INPP5B: variants seen among roughly 807,000 people sequenced by gnomAD.
INPP5B encodes the protein type II inositol 1,4,5-trisphosphate 5-phosphatase.
A neutral mutation model predicts 118.5 loss-of-function variants in INPP5B; 90 were observed. The ratio of observed to expected loss-of-function variants is 0.76; its 90% CI spans 0.64 to 0.90. The LOEUF is 0.90. Ranked by LOEUF, INPP5B falls within the 40% of genes least tolerant of loss-of-function variation. The probability of loss-of-function intolerance (pLI) is 0.00; values close to 1 mark genes in which losing one functional copy is unlikely to be tolerated. For synonymous variants in INPP5B, 385 were observed against 418.9 expected (o/e 0.92, Z 0.99); for missense variants, 984 against 1,125.6 (o/e 0.87, Z 1.80).
chr1:37,922,260 A>G (rs1164596894), intron 7 of INPP5B, among the ~76,000 whole-genome samples: 2 of 151,772 alleles, frequency 1.3e-5, no homozygotes, highest in Non-Finnish European at 2.9e-5. Flanking sequence ...ATGGTGGCAC[A>G]TGTCTGTAGT....
chr1:37,880,759 T>A (rs1353320937), intron 14 of INPP5B, among the ~76,000 whole-genome samples: 1 of 152,166 alleles, frequency 6.6e-6, no homozygotes, highest in East Asian at 1.9e-4. Context: ...TCAGTCTCAC[T>A]CTGTCACCCA....
chr1:37,897,603 C>T (rs1557667107), intron 7 of INPP5B, among the ~76,000 whole-genome samples: 1 of 150,682 alleles, frequency 6.6e-6, no homozygotes, highest in South Asian at 2.1e-4. Flanking sequence ...CTGCGGAAGG[C>T]CGAAGGGTCC....
At chr1:37,883,882 T>C in intron 13 of INPP5B, 1 of 976,590 alleles carries the variant, frequency 1.0e-6, no homozygotes. Context: ...ATAAAAGAAG[T>C]GGCGTATGTT....
At chr1:37,935,409 G>T (rs1645648595) in intron 6 of INPP5B, among the ~76,000 whole-genome samples, 1 of 151,088 alleles carries the variant, frequency 6.6e-6, no homozygotes, top group Non-Finnish European at 1.5e-5. Flanking sequence ...GGTCAGGCTG[G>T]TCTTGAACTC....
rs779926757 is a variant in INPP5B at position 37,862,395 on chromosome 1, C to T, written c.2662G>A (p.Ala888Thr). Reference protein sequence around the residue: ...IFGSLLLRNPAGHQKLDMTEK... With the variant: ...IFGSLLLRNPTGHQKLDMTEK... ...GTCATATCAAGCTTTTGGTGACCAGCTGGGTTTCGAAGCAATAAGCTGCCA... is the reference window on the plus strand; with the variant it reads ...GTCATATCAAGCTTTTGGTGACCAGTTGGGTTTCGAAGCAATAAGCTGCCA... Residue 888 changes from alanine to threonine, a missense_variant, in exon 24 of 24, where the codon GCT becomes ACT. Coordinates refer to ENST00000373024, the MANE Select transcript of INPP5B (RefSeq NM_005540.3). The T allele has an allele frequency of 2.9e-5, 46 of 1,613,780 alleles. No homozygotes were observed. The highest frequency in any genetic ancestry group is 3.7e-5 in the Non-Finnish European group (44 of 1,179,828).
At chr1:37,888,880 C>A (rs1389490934) in intron 9 of INPP5B, among the ~76,000 whole-genome samples, 1 of 152,204 alleles carries the variant, frequency 6.6e-6, no homozygotes, top group Non-Finnish European at 1.5e-5. Context: ...CAGCTAACTT[C>A]ATTTTAGTAA....
intron 7 of INPP5B, among the ~76,000 whole-genome samples, chr1:37,920,739 T>C (rs968337091): frequency 6.6e-6 from 1 of 151,620 alleles, no homozygotes; most frequent in Non-Finnish European, 1.5e-5. Context: ...TATTTTCGAC[T>C]CCGCCAATGA....
intron 16 of INPP5B, among the ~76,000 whole-genome samples, chr1:37,877,271 G>A (rs1642898616): frequency 6.6e-6 from 1 of 150,776 alleles, no homozygotes; most frequent in Non-Finnish European, 1.5e-5. Flanking sequence ...GAACCCGGGA[G>A]GCGGAGGTTG....
rs773247047 is a variant in INPP5B at position 37,868,652 on chromosome 1, G to A, written c.2188-38C>T. ...CAAGATCATGACAGAACTTCTGCCA[G>A]GCTGGCTCCAGGAAAATGCATGGCA... On this transcript the variant is annotated intron_variant, in intron 19 of 23. Transcript: ENST00000373024. The A allele has an allele frequency of 6.4e-6, 9 of 1,397,958 alleles. No individual in the cohort carries two copies. In the South Asian group the frequency reaches 1.0e-4, roughly 16 times the overall value. 86.6% of individuals were successfully genotyped at this position (1,397,958 alleles called of 1,614,324 possible).
intron 7 of INPP5B, among the ~76,000 whole-genome samples, chr1:37,917,340 T>TATATA (rs1262360466): frequency 2.3e-5 from 2 of 85,958 alleles, no homozygotes; most frequent in African/African-American, 8.5e-5. Context: ...ATATATATAT[T>TATATA]TGAGAAAGGG....
intron 7 of INPP5B, among the ~76,000 whole-genome samples, chr1:37,906,700 A>G (rs1644511324): frequency 2.6e-5 from 4 of 152,026 alleles, no homozygotes; most frequent in Admixed American, 6.6e-5. Context: ...TATTAAAAAA[A>G]AATACAAAAA....
intron 7 of INPP5B, among the ~76,000 whole-genome samples, chr1:37,895,592 C>T (rs1278530571): frequency 6.6e-6 from 1 of 151,592 alleles, no homozygotes; most frequent in Non-Finnish European, 1.5e-5. Flanking sequence ...GCTGCCATCT[C>T]GGCTCACTGC....
chr1:37,897,976 A>G (rs1338884512), intron 7 of INPP5B, among the ~76,000 whole-genome samples: 5 of 152,116 alleles, frequency 3.3e-5, no homozygotes, highest in Admixed American at 3.3e-4. Flanking sequence ...TACACATAAA[A>G]ACCTGCACAG....
chr1:37,910,031 A>G (rs1270347362), intron 7 of INPP5B, among the ~76,000 whole-genome samples: 1 of 151,878 alleles, frequency 6.6e-6, no homozygotes, highest in Non-Finnish European at 1.5e-5. Flanking sequence ...AGACTGTCCA[A>G]CTCACCCAGC....
chr1:37,865,419 C>A (rs1419022944), intron 22 of INPP5B, among the ~76,000 whole-genome samples: 1 of 152,028 alleles, frequency 6.6e-6, no homozygotes, highest in Non-Finnish European at 1.5e-5. Flanking sequence ...TGGCAGCATG[C>A]AAAACAAATC....
Position 37,888,362 on chromosome 1 carries a change from T to C in INPP5B, c.798-18A>G. ...CAAAAAACCTGTCACCAAAGAGAAA[T>C]AATTAGTGACTCCGAATCACTATGG... On this transcript the variant is annotated intron_variant, in intron 9 of 23. Transcript: ENST00000373024. The C allele has an allele frequency of 6.8e-7, 1 of 1,468,126 alleles. No homozygotes were observed. The highest frequency in any genetic ancestry group is 9.2e-7 in the Non-Finnish European group (1 of 1,087,542). 90.9% of individuals were successfully genotyped at this position (1,468,126 alleles called of 1,614,324 possible). A position where few individuals can be genotyped will look rare whatever the true frequency, so the allele number is the denominator to read the frequency against.
chr1:37,866,630 G>T (rs1316673270), intron 20 of INPP5B, 87 bp from the exon 21 acceptor site: 1 of 783,160 alleles, frequency 1.3e-6, no homozygotes, highest in Non-Finnish European at 2.2e-6. Flanking sequence ...ATAGCAGAAT[G>T]CAAAAAGGAG....
At chr1:37,931,889 G>A (rs1382524370) in intron 7 of INPP5B, 24 bp downstream of exon 7, 1 of 1,613,774 alleles carries the variant, frequency 6.2e-7, no homozygotes. Context: ...AATCCCCACC[G>A]TTTCTTCCGG....
intron 5 of INPP5B, among the ~76,000 whole-genome samples, chr1:37,941,699 G>C (rs1458582724): frequency 6.6e-6 from 1 of 150,438 alleles, no homozygotes; most frequent in Non-Finnish European, 1.5e-5. Flanking sequence ...AGCACTTTGG[G>C]AGGCCGAGGC....
Sources: allele counts gnomAD v4.1 joint callset (sites outside exome capture counted in the v4.1 genomes callset), GRCh38; gene constraint gnomAD v4.1.1; transcripts MANE v1.5; gene names NCBI Gene and HGNC (gene_info 2026-07-23, HGNC 2026-07-21).